CEP63: variants seen among roughly 807,000 people sequenced by gnomAD.
CEP63 encodes centrosomal protein of 63 kDa.
CEP63 carries 84 observed loss-of-function variants against 89.1 expected under a neutral mutation model. The ratio of observed to expected loss-of-function variants is 0.94; its 90% CI spans 0.79 to 1.13. The LOEUF is 1.13. Ranked by LOEUF, CEP63 falls within the 50% of genes most tolerant of loss-of-function variation. The pLI is 0.00. For synonymous variants in CEP63, 267 were observed against 272.5 expected, an observed-to-expected ratio of 0.98 and a Z score of 0.20; for missense variants, 838 against 813.3, an observed-to-expected ratio of 1.03 and a Z score of -0.37.
At chr3:134,748,786 A>G in the CEP63 span, among the ~76,000 whole-genome samples, 104 of 152,304 alleles carry the variant, frequency 6.8e-4, no homozygotes, top group Admixed American at 6.3e-3. Context: ...CCCTGTCCTC[A>G]AGGAGCTTGA....
chr3:134,517,602 C>T (rs562839617), intron 3 of CEP63, among the ~76,000 whole-genome samples: 124 of 152,226 alleles, frequency 8.1e-4, no homozygotes, highest in African/African-American at 2.8e-3. Context: ...AGTTCAAAAG[C>T]TTGACGTCAC....
chr3:134,491,165 G>A (rs554201855), intron 1 of CEP63, among the ~76,000 whole-genome samples: 1 of 152,290 alleles, frequency 6.6e-6, no homozygotes, highest in South Asian at 2.1e-4. Flanking sequence ...TATAGCAGTT[G>A]TGTTCATTTT....
the CEP63 span, among the ~76,000 whole-genome samples, chr3:134,724,037 A>G: frequency 6.6e-6 from 1 of 152,042 alleles, no homozygotes; most frequent in Non-Finnish European, 1.5e-5. Flanking sequence ...CCAACTCTTT[A>G]TTTTCCATTC....
the CEP63 span, among the ~76,000 whole-genome samples, chr3:134,692,259 C>T: frequency 6.6e-6 from 1 of 152,142 alleles, no homozygotes; most frequent in Admixed American, 6.5e-5. Flanking sequence ...TCCCTTCCCC[C>T]TCCCCCAACC....
the CEP63 span, among the ~76,000 whole-genome samples, chr3:134,657,676 T>A: frequency 6.6e-6 from 1 of 152,210 alleles, no homozygotes; most frequent in Admixed American, 6.5e-5. Flanking sequence ...TTAGAATAGA[T>A]TCTTGGAAGT....
the CEP63 span, among the ~76,000 whole-genome samples, chr3:134,623,333 C>T: frequency 4.6e-5 from 7 of 152,160 alleles, no homozygotes. Flanking sequence ...CAGACCCCAC[C>T]CACTTTCCTC....
intron 2 of CEP63, among the ~76,000 whole-genome samples, 189 bp from the exon 3 acceptor site, chr3:134,506,918 CAA>C (rs1229943667): frequency 0.036 from 870 of 24,000 alleles, 5 homozygotes; most frequent in South Asian, 0.14. Flanking sequence ...AACTCCATCT[CAA>C]AAAAAAAAAA....
chr3:134,753,115 A>G, the CEP63 span, among the ~76,000 whole-genome samples: 1 of 151,956 alleles, frequency 6.6e-6, no homozygotes, highest in African/African-American at 2.4e-5. Context: ...TGCATGAGCA[A>G]TTACTCGAGC....
chr3:134,604,325 G>C, the CEP63 span: 6 of 1,613,892 alleles, frequency 3.7e-6, no homozygotes, highest in African/African-American at 8.0e-5. Flanking sequence ...AAGATCTGCA[G>C]CTTGTGAGTG....
the CEP63 span, among the ~76,000 whole-genome samples, chr3:134,720,023 C>T: frequency 6.6e-6 from 1 of 152,092 alleles, no homozygotes; most frequent in Non-Finnish European, 1.5e-5. Context: ...GGTAACCCTA[C>T]ATTTATCGTT....
At chr3:134,531,721 C>T in intron 3 of CEP63, 124 bp from the exon 4 acceptor site, 1 of 740,318 alleles carries the variant, frequency 1.4e-6, no homozygotes. Flanking sequence ...TGGGGTATCA[C>T]CATATATATG....
At chr3:134,530,792 A>C (rs1040811404) in intron 3 of CEP63, among the ~76,000 whole-genome samples, 5 of 152,172 alleles carry the variant, frequency 3.3e-5, no homozygotes, top group Non-Finnish European at 5.9e-5. Flanking sequence ...ATTCCACTAT[A>C]ATTTTTTATT....
At chr3:134,781,861 C>T in the CEP63 span, among the ~76,000 whole-genome samples, 5 of 152,094 alleles carry the variant, frequency 3.3e-5, no homozygotes, top group African/African-American at 7.2e-5. Context: ...TTCTTTCTGT[C>T]CTCTCCTTAT....
the CEP63 span, among the ~76,000 whole-genome samples, chr3:134,680,808 T>C: frequency 2.6e-5 from 4 of 152,216 alleles, no homozygotes; most frequent in Non-Finnish European, 4.4e-5. Flanking sequence ...TGCCAGCTGA[T>C]GGAGCGGGTA....
At chr3:134,602,244 G>T in the CEP63 span, among the ~76,000 whole-genome samples, 2 of 152,126 alleles carry the variant, frequency 1.3e-5, no homozygotes, top group Non-Finnish European at 2.9e-5. Flanking sequence ...GGCCTCTCTC[G>T]CCTTTCCCTC....
the CEP63 span, among the ~76,000 whole-genome samples, chr3:134,713,901 C>A: frequency 2.0e-5 from 3 of 152,218 alleles, no homozygotes; most frequent in Admixed American, 1.3e-4. Context: ...TGAGATAACA[C>A]CTGTCCAGAG....
chr3:134,544,426 A>G (rs572897870), intron 6 of CEP63, among the ~76,000 whole-genome samples: 13 of 152,314 alleles, frequency 8.5e-5, no homozygotes, highest in South Asian at 4.1e-4. Context: ...GAGATGCATT[A>G]TATTTGTTTA....
At chr3:134,690,903 C>A in the CEP63 span, among the ~76,000 whole-genome samples, 1 of 152,098 alleles carries the variant, frequency 6.6e-6, no homozygotes, top group Admixed American at 6.5e-5. Context: ...CTCCCGCCAC[C>A]ATGCCCAGCT....
At chr3:134,584,008 A>G (rs1958424110) in intron 10 of CEP63, among the ~76,000 whole-genome samples, 1 of 152,096 alleles carries the variant, frequency 6.6e-6, no homozygotes, top group Non-Finnish European at 1.5e-5. Context: ...AATGCTTGTG[A>G]TTTTTGCACA....
Sources: gnomAD v4.1 joint callset for allele counts (sites outside exome capture counted in the v4.1 genomes callset) on GRCh38, gnomAD v4.1.1 for gene constraint, MANE v1.5 for transcripts, NCBI Gene and HGNC (gene_info 2026-07-23, HGNC 2026-07-21) for gene names.